MIER1: variants seen among roughly 807,000 people sequenced by gnomAD.
The protein encoded by MIER1 is MIER1 transcriptional regulator.
In MIER1, 40 loss-of-function variants were observed where a neutral mutation model predicts 75.7. The ratio of observed to expected loss-of-function variants is 0.53; its 90% CI spans 0.41 to 0.69. The LOEUF (loss-of-function observed/expected upper bound fraction) is 0.69. Ranked by LOEUF, MIER1 falls within the 30% of genes least tolerant of loss-of-function variation. The pLI is 0.00. For synonymous variants in MIER1, 213 were observed against 223.4 expected (o/e 0.95, Z 0.42); for missense variants, 574 against 680.2 (o/e 0.84, Z 1.74).
chr1:66,961,113 G>GA (rs538428871), intron 7 of MIER1, among the ~76,000 whole-genome samples: 15 of 151,964 alleles, frequency 9.9e-5, no homozygotes, highest in South Asian at 4.1e-4. Flanking sequence ...ACCTTTCTCA[G>GA]AAAAAAATTA....
At chr1:66,925,757 C>A (rs1268637874) in intron 1 of MIER1, among the ~76,000 whole-genome samples, 1 of 152,168 alleles carries the variant, frequency 6.6e-6, no homozygotes, top group Non-Finnish European at 1.5e-5. Context: ...TAACCTTGAG[C>A]GAGTCACTAT....
rs758500805 is a variant in MIER1, at chr1:66,972,982, G to C, written c.1092G>C (p.Gln364His). 6.3e-7 allele frequency: 1 copy of C among 1,585,292 alleles called. No individual in the cohort carries two copies. The highest frequency in any genetic ancestry group is 8.7e-7 in the Non-Finnish European group (1 of 1,155,302). ...ATGGAAAGGATTTTCATTTGATTCA[G>C]GCTAATAAAGTAAGTAATGATAATC... ...KAYGKDFHLI[Q>H]ANKVRTRSVG... Residue 364 changes from glutamine (Q) to histidine (H), a missense_variant, in exon 11 of 14, where the codon CAG (glutamine) becomes CAC (histidine). This residue lies in a region of MIER1 where 101 missense variants were observed against 173.1 expected (regional missense o/e 0.58). Transcript: ENST00000401041.
chr1:66,952,797 A>G (rs1318894229), intron 4 of MIER1, among the ~76,000 whole-genome samples: 5 of 152,112 alleles, frequency 3.3e-5, no homozygotes, highest in Admixed American at 3.3e-4. Context: ...ATGCGCTGCC[A>G]CACCCAGCTA....
chr1:66,969,483 T>C (rs1663125792), intron 8 of MIER1, among the ~76,000 whole-genome samples: 1 of 137,276 alleles, frequency 7.3e-6, no homozygotes, highest in Non-Finnish European at 1.5e-5. Context: ...AGGCGGAGGT[T>C]GCAGTGAGCC....
chr1:66,983,284 C>T (rs1164644995), intron 13 of MIER1, among the ~76,000 whole-genome samples: 1 of 152,176 alleles, frequency 6.6e-6, no homozygotes, highest in Non-Finnish European at 1.5e-5. Context: ...GCTTTTTGGA[C>T]TTGTTCCTAC....
Position 66,958,227 on chromosome 1 carries a change from C to A in MIER1, c.501+7C>A, listed in dbSNP as rs376363013. The A allele has an allele frequency of 1.9e-6, 3 of 1,586,152 alleles. No individual in the cohort carries two copies. Among genetic ancestry groups the A allele is most frequent in the Non-Finnish European group, 2.6e-6 (3 of 1,159,144 alleles). ...CTGTAGTGGGGAAAATAAAGTAAGT[C>A]TATATACATATATTTAAGATTGTAG... is the stretch of plus-strand genomic sequence containing the variant. On this transcript the variant is annotated splice_region_variant and intron_variant, in intron 5 of 13. Transcript: ENST00000401041.
chr1:66,933,393 A>G (rs796501179), intron 2 of MIER1, among the ~76,000 whole-genome samples: 17 of 152,316 alleles, frequency 1.1e-4, no homozygotes, highest in African/African-American at 3.8e-4. Context: ...CTTTTCACCT[A>G]GGCCACATTT....
At chr1:66,951,060 T>C (rs1337942124) in intron 4 of MIER1, among the ~76,000 whole-genome samples, 3 of 152,258 alleles carry the variant, frequency 2.0e-5, no homozygotes, top group Non-Finnish European at 4.4e-5. Context: ...AGCTAGGAAC[T>C]AGCACCTCTT....
intron 2 of MIER1, among the ~76,000 whole-genome samples, chr1:66,932,436 A>T (rs11208974): frequency 0.58 from 88,193 of 152,048 alleles, 27,759 homozygotes; most frequent in East Asian, 0.84. Flanking sequence ...GAAGAGTTAG[A>T]GGAACTTTCG....
At chr1:66,970,638 A>C (rs1663405838) in intron 8 of MIER1, among the ~76,000 whole-genome samples, 170 bp from the exon 9 acceptor site, 1 of 152,134 alleles carries the variant, frequency 6.6e-6, no homozygotes. Flanking sequence ...AAATTGTTTA[A>C]TTTACTTAAA....
chr1:66,926,638 A>G (rs1230343067), intron 2 of MIER1, among the ~76,000 whole-genome samples: 2 of 152,214 alleles, frequency 1.3e-5, no homozygotes, highest in Non-Finnish European at 2.9e-5. Context: ...GGTATTTTCA[A>G]CCAAATTAGT....
chr1:66,927,384 AT>A (rs1466892743), intron 2 of MIER1, among the ~76,000 whole-genome samples: 2 of 152,142 alleles, frequency 1.3e-5, no homozygotes, highest in East Asian at 1.9e-4. Flanking sequence ...TAGTTTAAAA[AT>A]TTTATACACA....
intron 7 of MIER1, among the ~76,000 whole-genome samples, chr1:66,962,819 T>C (rs1408769004): frequency 6.6e-6 from 1 of 152,212 alleles, no homozygotes; most frequent in East Asian, 1.9e-4. Context: ...AATGGAATTA[T>C]CAGAATTCAC....
At chr1:66,960,876 C>G (rs1661118356) in intron 7 of MIER1, among the ~76,000 whole-genome samples, 1 of 152,094 alleles carries the variant, frequency 6.6e-6, no homozygotes, top group Non-Finnish European at 1.5e-5. Context: ...ATGAAAAAAG[C>G]TAGAAACCTT....
chr1:66,940,265 G>GTTT, intron 3 of MIER1: 1 of 297,140 alleles, frequency 3.4e-6, no homozygotes. Context: ...CTATTTTTGG[G>GTTT]TTTTCTTTTT....
intron 1 of MIER1, among the ~76,000 whole-genome samples, chr1:66,925,800 G>C (rs1651575510): frequency 6.6e-6 from 1 of 152,148 alleles, no homozygotes; most frequent in South Asian, 2.1e-4. Context: ...CCTATTTAAA[G>C]CTTCCTCCAA....
chr1:66,925,603 G>A lies in MIER1; in HGVS notation c.67+508G>A, dbSNP rs1364744202. ...AGGGAGGGAGGAGAGACTCGAATAG[G>A]GTATTACTGTAAGGAAACGAGGTCC... On this transcript the variant is annotated intron_variant, in intron 1 of 13. Transcript: ENST00000401041. 3.2e-6 allele frequency: 3 copies of A among 950,124 alleles called. No individual in the cohort carries two copies. The African/African-American group carries it at 5.3e-5, about 17-fold the overall frequency. 58.9% of individuals were successfully genotyped at this position (950,124 alleles called of 1,614,324 possible).
chr1:66,945,311 A>G (rs1412920077), intron 3 of MIER1, among the ~76,000 whole-genome samples: 2 of 82,932 alleles, frequency 2.4e-5, no homozygotes, highest in South Asian at 8.3e-4. Context: ...ATATATATAT[A>G]TATATAAAAT....
At chr1:66,941,685 T>C (rs1437932016) in intron 3 of MIER1, among the ~76,000 whole-genome samples, 1 of 152,180 alleles carries the variant, frequency 6.6e-6, no homozygotes, top group Non-Finnish European at 1.5e-5. Flanking sequence ...AGAATACAAA[T>C]GTTGGCCAGG....
Sources: gnomAD v4.1 joint callset for allele counts (sites outside exome capture counted in the v4.1 genomes callset) on GRCh38, gnomAD v4.1.1 for gene constraint, gnomAD v4.1.1 regional missense constraint, MANE v1.5 for transcripts, NCBI Gene and HGNC (gene_info 2026-07-23, HGNC 2026-07-21) for gene names.